Variants in OTOGL observed in about 807,000 individuals in gnomAD.
OTOGL encodes the protein otogelin-like protein.
A neutral mutation model predicts 318.5 loss-of-function variants in OTOGL; 285 were observed. That is an observed-to-expected ratio of 0.89 (90% CI 0.81 to 0.99). The LOEUF is 0.99. OTOGL is among the 50% of genes least tolerant of loss of function. The pLI is 0.00. For synonymous variants in OTOGL, 987 were observed against 936.5 expected, an observed-to-expected ratio of 1.05 and a Z score of -0.99; for missense variants, 2,899 against 2,845.6, an observed-to-expected ratio of 1.02 and a Z score of -0.43.
At chr12:80,347,696 A>G (rs1889284412) in intron 44 of OTOGL, among the ~76,000 whole-genome samples, 1 of 152,152 alleles carries the variant, frequency 6.6e-6, no homozygotes, top group Non-Finnish European at 1.5e-5. Flanking sequence ...AGGAATTGCC[A>G]CACTGTCTTC....
chr12:80,112,128 C>T (rs906020804), intron 1 of OTOGL, among the ~76,000 whole-genome samples: 10 of 152,182 alleles, frequency 6.6e-5, no homozygotes, highest in Non-Finnish European at 1.5e-4. Flanking sequence ...AGTTCCTTAT[C>T]AGTTTAAGGA....
chr12:80,251,990 T>C, intron 12 of OTOGL, 86 bp from the exon 13 acceptor site: 1 of 1,372,568 alleles, frequency 7.3e-7, no homozygotes, highest in South Asian at 1.8e-5. Flanking sequence ...TTGCAAATTA[T>C]TTTTTGTAAA....
chr12:80,358,467 A>G, intron 50 of OTOGL, 118 bp downstream of exon 50: 1 of 880,498 alleles, frequency 1.1e-6, no homozygotes, highest in Non-Finnish European at 1.7e-6. Context: ...TTGATGAGCT[A>G]TCCTAGCACC....
chr12:80,279,078 T>G lies in OTOGL; in HGVS notation c.2840T>G (p.Val947Gly), dbSNP rs1846319168. The G allele has an allele frequency of 6.3e-7, 1 of 1,593,972 alleles. No homozygotes were observed. Among genetic ancestry groups the G allele is most frequent in the Admixed American group, 1.7e-5 (1 of 59,636 alleles). Residue 947 changes from valine (V) to glycine (G), a missense_variant, in exon 26 of 59, where the codon GTG becomes GGG. This residue lies in a region of OTOGL where 2,607 missense variants were observed against 2,524.9 expected (regional missense o/e 1.03). Transcript: ENST00000547103. ...TGCACATATTATCCATGCCCAGCAG[T>G]GTGCACAATATACGGGGACCGACAT... ...FNCTYYPCPA[V>G]CTIYGDRHYY...
chr12:80,219,965 A>C, intron 6 of OTOGL, 53 bp downstream of exon 6: 2 of 1,321,608 alleles, frequency 1.5e-6, no homozygotes, highest in Non-Finnish European at 2.1e-6. Context: ...GGAGAAAATT[A>C]AGGCATAATT....
At chr12:80,159,979 A>T (rs968881310) in intron 1 of OTOGL, among the ~76,000 whole-genome samples, 11 of 151,960 alleles carry the variant, frequency 7.2e-5, no homozygotes, top group African/African-American at 1.4e-4. Context: ...TGACAAAGCC[A>T]ATGGCATAAA....
chr12:80,252,085 G>A lies in OTOGL; in HGVS notation c.1169G>A (p.Cys390Tyr). 1.3e-6 allele frequency: 2 copies of A among 1,545,518 alleles called. No homozygotes were observed. The highest frequency in any genetic ancestry group is 8.7e-7 in the Non-Finnish European group (1 of 1,143,316). The change falls in exon 13 of 59, where the codon TGT becomes TAT. Residue 390 changes from cysteine to tyrosine, a missense_variant. Physicochemically the swap from Cys to Tyr is radical, Grantham distance 194. Around this residue, in one of 3 missense-constraint regions of OTOGL, gnomAD observed 2,607 missense variants for 2,524.9 expected, o/e 1.03. Transcript: ENST00000547103. Reference protein sequence around the residue: ...RDDFPACTDKCDDSFVHRDCI... With the variant: ...RDDFPACTDKYDDSFVHRDCI... ...TGTTTGTCTGTTTTAGCTGATAAAT[G>A]TGATGATAGCTTTGTCCATCGGGAC...
chr12:80,340,635 C>T (rs990183203), intron 43 of OTOGL, among the ~76,000 whole-genome samples: 2 of 152,104 alleles, frequency 1.3e-5, no homozygotes, highest in African/African-American at 4.8e-5. Context: ...AGGGCTCATG[C>T]CCTAAATTCC....
rs750991078 is a variant in OTOGL, at chr12:80,266,463, A to T, written c.2237A>T (p.Gln746Leu). The change falls in exon 21 of 59, where the codon CAG becomes CTG. Residue 746 changes from glutamine (Q) to leucine (L), a missense_variant. Gln to Leu is a moderately radical substitution (Grantham distance 113). Coordinates refer to ENST00000547103, the MANE Select transcript of OTOGL (RefSeq NM_001378609.3). ...TQISFCAVVC[Q>L]KGMLYHHCSS... Reference sequence around the variant, plus strand: ...TCTTTGTCCTTAGCTGTGGTGTGCCAGAAGGGCATGCTGTACCATCACTGT... The same window carrying T: ...TCTTTGTCCTTAGCTGTGGTGTGCCTGAAGGGCATGCTGTACCATCACTGT... 5 of 1,613,432 alleles carry T rather than the reference A, an allele frequency of 3.1e-6. No individual in the cohort carries two copies. In the Admixed American group the frequency reaches 6.7e-5, roughly 22 times the overall value.
intron 46 of OTOGL, 147 bp downstream of exon 46, chr12:80,353,657 A>G: frequency 1.5e-6 from 1 of 681,308 alleles, no homozygotes; most frequent in Non-Finnish European, 2.2e-6. Flanking sequence ...TTTGATTTTA[A>G]TATGATTTCA....
chr12:80,145,460 G>A (rs1427735437), intron 1 of OTOGL, among the ~76,000 whole-genome samples: 1 of 151,966 alleles, frequency 6.6e-6, no homozygotes, highest in Admixed American at 6.6e-5. Flanking sequence ...GGTTACTGTA[G>A]CCTTCTAGTA....
intron 7 of OTOGL, among the ~76,000 whole-genome samples, chr12:80,228,869 G>A (rs1291014308): frequency 6.6e-6 from 1 of 151,882 alleles, no homozygotes; most frequent in Non-Finnish European, 1.5e-5. Context: ...GCTTTGTGTA[G>A]TGCTCCATTC....
Position 80,353,406 on chromosome 12 carries a change from A to G in OTOGL, c.5489A>G (p.Tyr1830Cys), listed in dbSNP as rs368127087. Residue 1830 changes from tyrosine to cysteine, a missense_variant, in exon 46 of 59, where the codon TAT becomes TGT. Around this residue, in one of 3 missense-constraint regions of OTOGL, gnomAD observed 2,607 missense variants for 2,524.9 expected, o/e 1.03. Coordinates refer to ENST00000547103, the MANE Select transcript of OTOGL (RefSeq NM_001378609.3). ...AGAACATGCCTGAACCAATGGTTCT[A>G]TGGACACACTTCCTGTTTGAATCTA... Reference protein sequence around the residue: ...EARTCLNQWFYGHTSCLNLRE... With the variant: ...EARTCLNQWFCGHTSCLNLRE... 18 of 1,603,548 alleles carry G rather than the reference A, an allele frequency of 1.1e-5. No individual in the cohort carries two copies. The African/African-American group carries it at 2.4e-4, about 21-fold the overall frequency.
At chr12:80,365,688 A>G (rs920939337) in intron 52 of OTOGL, among the ~76,000 whole-genome samples, 1 of 152,150 alleles carries the variant, frequency 6.6e-6, no homozygotes, top group African/African-American at 2.4e-5. Context: ...TGAAATATCA[A>G]ATGAATTAGT....
intron 26 of OTOGL, among the ~76,000 whole-genome samples, chr12:80,291,543 G>T (rs1422709304): frequency 6.6e-6 from 1 of 152,276 alleles, no homozygotes; most frequent in Non-Finnish European, 1.5e-5. Context: ...ATAACTTGGG[G>T]TTCCTAAGCC....
chr12:80,124,541 G>A (rs1031673559), intron 1 of OTOGL, among the ~76,000 whole-genome samples: 1 of 152,100 alleles, frequency 6.6e-6, no homozygotes, highest in Non-Finnish European at 1.5e-5. Flanking sequence ...GGTTCTATAT[G>A]AACTTTAAAG....
In OTOGL at chr12:80,251,122, A is replaced by G. The variant is rs192660535; in HGVS notation, c.1053-571A>G. ...AGACTGGATAAAGAAAATGTGGCACATATACATCATGGAATAACTACGTTT... is the reference window on the plus strand; with the variant it reads ...AGACTGGATAAAGAAAATGTGGCACGTATACATCATGGAATAACTACGTTT... On this transcript the variant is annotated intron_variant, in intron 11 of 58. Coordinates refer to ENST00000547103, the MANE Select transcript of OTOGL (RefSeq NM_001378609.3). Among the ~76,000 whole-genome samples the G allele has an allele frequency of 3.1e-3, 468 of 152,358 alleles. 5 individuals are homozygous for G. Among genetic ancestry groups the G allele is most frequent in the African/African-American group, 0.011 (444 of 41,590 alleles).
At chr12:80,363,336 G>T (rs1010890885) in intron 52 of OTOGL, among the ~76,000 whole-genome samples, 1 of 152,134 alleles carries the variant, frequency 6.6e-6, no homozygotes, top group Admixed American at 6.6e-5. Context: ...GATGAAAATG[G>T]TGTTTGAGGG....
At chr12:80,151,782 A>C (rs74904181) in intron 1 of OTOGL, among the ~76,000 whole-genome samples, 3,775 of 152,292 alleles carry the variant, frequency 0.025, 157 homozygotes, top group African/African-American at 0.086. Flanking sequence ...CTAGTCAACT[A>C]ATGTCACTGT....
Sources: allele counts gnomAD v4.1 joint callset (sites outside exome capture counted in the v4.1 genomes callset), GRCh38; gene constraint gnomAD v4.1.1; regional missense constraint gnomAD v4.1.1; transcripts MANE v1.5; gene names NCBI Gene and HGNC (gene_info 2026-07-23, HGNC 2026-07-21).